The following GATAD2B variants were observed in gnomAD, a reference collection of about 807,000 sequenced individuals.
The protein encoded by GATAD2B is GATA zinc finger domain containing 2B.
In GATAD2B, 8 loss-of-function variants were observed where a neutral mutation model predicts 64.3. The ratio of observed to expected loss-of-function variants is 0.12; its 90% CI spans 0.07 to 0.22. GATAD2B has a LOEUF of 0.22. GATAD2B is among the 10% of genes least tolerant of loss of function. The pLI is 1.00. For missense variants in GATAD2B, 453 were observed against 752.0 expected (o/e 0.60, Z 4.65); for synonymous variants, 281 against 271.3 (o/e 1.04, Z -0.35).
chr1:153,868,738 CTT>C (rs1269590974), intron 1 of GATAD2B, among the ~76,000 whole-genome samples: 13 of 139,162 alleles, frequency 9.3e-5, no homozygotes, highest in African/African-American at 7.9e-5. Flanking sequence ...ATACTATATA[CTT>C]TTTTTTTTTT....
At chr1:153,854,362 C>T (rs1676010328) in intron 1 of GATAD2B, among the ~76,000 whole-genome samples, 1 of 152,062 alleles carries the variant, frequency 6.6e-6, no homozygotes, top group African/African-American at 2.4e-5. Context: ...GAGATCTTGC[C>T]ACTGCACTCC....
intron 1 of GATAD2B, among the ~76,000 whole-genome samples, chr1:153,883,604 T>C (rs1677069235): frequency 6.6e-6 from 1 of 152,228 alleles, no homozygotes. Flanking sequence ...GCTCACTAGT[T>C]CCATGTTGAT....
At chr1:153,921,153 A>T (rs1461161664) in intron 1 of GATAD2B, among the ~76,000 whole-genome samples, 2 of 152,244 alleles carry the variant, frequency 1.3e-5, no homozygotes, top group Non-Finnish European at 2.9e-5. Flanking sequence ...TCAGACTGCA[A>T]GGAAGAGTTC....
At position 153,813,442 on chromosome 1, in the gene GATAD2B, A is replaced by G. The variant is rs1458577878; in HGVS notation, c.1227T>C (p.Cys409=). The G allele has an allele frequency of 4.3e-6, 7 of 1,613,344 alleles. No individual in the cohort carries two copies. The highest frequency in any genetic ancestry group is 1.7e-6 in the Non-Finnish European group (2 of 1,179,396). Residue 409 remains cysteine, a synonymous_variant, in exon 8 of 11, where the codon TGT becomes TGC. Coordinates refer to ENST00000368655, the MANE Select transcript of GATAD2B (RefSeq NM_020699.4). The part of the protein sequence containing the change: ...QSVIDSQGKS[C]ASLLRVEPFV... ...AGGGTTCAACCCGCAGAAGTGAGGC[A>G]CAGCTTTTGCCTAGATACCAACAAA... is the stretch of plus-strand genomic sequence containing the variant.
At chr1:153,862,721 ATT>A in intron 1 of GATAD2B, among the ~76,000 whole-genome samples, 1 of 139,296 alleles carries the variant, frequency 7.2e-6, no homozygotes, top group Non-Finnish European at 1.6e-5. Flanking sequence ...TCTCTACTTT[ATT>A]TCTTTTTTTT....
intron 1 of GATAD2B, among the ~76,000 whole-genome samples, chr1:153,896,521 C>G (rs1254466699): frequency 1.3e-5 from 2 of 150,992 alleles, no homozygotes; most frequent in East Asian, 1.9e-4. Context: ...ACCACAACCT[C>G]CACCTCCCGG....
Position 153,828,000 on chromosome 1 carries a change from A to C in GATAD2B, c.335+13T>G, listed in dbSNP as rs1182916539. 6.2e-7 allele frequency: 1 copy of C among 1,602,998 alleles called. No individual in the cohort carries two copies. Among genetic ancestry groups the C allele is most frequent in the Non-Finnish European group, 8.5e-7 (1 of 1,170,360 alleles). On this transcript the variant is annotated intron_variant, in intron 2 of 10. Coordinates refer to ENST00000368655, the MANE Select transcript of GATAD2B (RefSeq NM_020699.4). ...ACGACCCTATCCCTGGAGGCAGCTG[A>C]ACTGAGCCATACCTCCGTCTAGCAC...
intron 1 of GATAD2B, chr1:153,914,791 T>G (rs1340695985): frequency 6.6e-6 from 1 of 152,018 alleles, no homozygotes; most frequent in African/African-American, 2.4e-5. Context: ...AAAATTAGGC[T>G]TGGTGGTGTG....
chr1:153,916,796 C>G (rs975280905), intron 1 of GATAD2B, among the ~76,000 whole-genome samples: 4 of 152,000 alleles, frequency 2.6e-5, no homozygotes, highest in Non-Finnish European at 5.9e-5. Context: ...ATTGGATCAA[C>G]AAACTTTTAT....
chr1:153,850,691 A>T (rs1202051527), intron 1 of GATAD2B, among the ~76,000 whole-genome samples: 1 of 151,990 alleles, frequency 6.6e-6, no homozygotes, highest in Non-Finnish European at 1.5e-5. Context: ...AGGCCTACGC[A>T]GGCGGATTGC....
At position 153,828,049 on chromosome 1, in the gene GATAD2B, A is replaced by T; in HGVS notation, c.299T>A (p.Ile100Asn). ...ACTCATATCCACAGGCTCATCATTG[A>T]TGTTTTCTTTGCCTGGCCTTCCAGC... ...RTAGRPGKEN[I>N]NDEPVDMSAR... The change falls in exon 2 of 11, where the codon ATC becomes AAC. Residue 100 changes from isoleucine (I) to asparagine (N), a missense_variant. Ile to Asn is a moderately radical substitution (Grantham distance 149). Around this residue, in one of 2 missense-constraint regions of GATAD2B, gnomAD observed 293 missense variants for 417.2 expected, o/e 0.70. Coordinates refer to ENST00000368655, the MANE Select transcript of GATAD2B (RefSeq NM_020699.4). 3.7e-6 allele frequency: 6 copies of T among 1,614,038 alleles called. No homozygotes were observed. The highest frequency in any genetic ancestry group is 4.2e-6 in the Non-Finnish European group (5 of 1,180,016).
At chr1:153,855,555 T>A (rs1403571112) in intron 1 of GATAD2B, among the ~76,000 whole-genome samples, 1 of 152,068 alleles carries the variant, frequency 6.6e-6, no homozygotes, top group Non-Finnish European at 1.5e-5. Context: ...TATAATAAAT[T>A]ACCACAAATT....
intron 1 of GATAD2B, 107 bp from the exon 2 acceptor site, chr1:153,828,455 TACACACACACACACACACAC>T (rs71093290): frequency 6.8e-6 from 4 of 584,302 alleles, no homozygotes; most frequent in Non-Finnish European, 1.2e-5. Flanking sequence ...CTCTCACACA[TACACACACACACACACACAC>T]ACACACACAC....
intron 1 of GATAD2B, among the ~76,000 whole-genome samples, chr1:153,874,967 A>C (rs1016676443): frequency 6.6e-6 from 1 of 151,770 alleles, no homozygotes; most frequent in South Asian, 2.1e-4. Context: ...TGCAGCCTCA[A>C]ACTCCCAGGC....
chr1:153,878,747 T>C (rs918978373), intron 1 of GATAD2B, among the ~76,000 whole-genome samples: 1 of 150,472 alleles, frequency 6.6e-6, no homozygotes, highest in African/African-American at 2.4e-5. Flanking sequence ...TAAAACCAAC[T>C]GTAACAGTGT....
chr1:153,824,918 T>A (rs1251216824), intron 2 of GATAD2B, among the ~76,000 whole-genome samples: 1 of 152,078 alleles, frequency 6.6e-6, no homozygotes, highest in Non-Finnish European at 1.5e-5. Flanking sequence ...ACCTCGTCTC[T>A]ACTAAAAATA....
chr1:153,824,952 G>A (rs1674817686), intron 2 of GATAD2B, among the ~76,000 whole-genome samples: 1 of 152,016 alleles, frequency 6.6e-6, no homozygotes, highest in African/African-American at 2.4e-5. Flanking sequence ...TGGGTACAGG[G>A]GCACACGCCT....
chr1:153,836,263 G>GTTT (rs754264117), intron 1 of GATAD2B, among the ~76,000 whole-genome samples: 19 of 106,572 alleles, frequency 1.8e-4, no homozygotes, highest in African/African-American at 2.0e-4. Flanking sequence ...AAAAAAATTT[G>GTTT]TTTTTTTTTT....
intron 1 of GATAD2B, among the ~76,000 whole-genome samples, chr1:153,877,724 G>A (rs569837237): frequency 7.3e-5 from 11 of 151,520 alleles, no homozygotes; most frequent in Admixed American, 4.6e-4. Flanking sequence ...CTAAAAATAC[G>A]AAAATTAGCC....
Sources: allele counts gnomAD v4.1 joint callset (sites outside exome capture counted in the v4.1 genomes callset), GRCh38; gene constraint gnomAD v4.1.1; regional missense constraint gnomAD v4.1.1; transcripts MANE v1.5; gene names NCBI Gene and HGNC (gene_info 2026-07-23, HGNC 2026-07-21).